PLBD2: variants seen among roughly 807,000 people sequenced by gnomAD.
The protein encoded by PLBD2 is phospholipase B domain containing 2.
PLBD2 carries 51 observed loss-of-function variants against 68.3 expected under a neutral mutation model. The ratio of observed to expected loss-of-function variants is 0.75; its 90% CI spans 0.60 to 0.94. PLBD2 has a LOEUF of 0.94. Ranked by LOEUF, PLBD2 falls within the 40% of genes least tolerant of loss-of-function variation. PLBD2 has a pLI of 0.00. For synonymous variants in PLBD2, 314 were observed against 339.3 expected, an observed-to-expected ratio of 0.93 and a Z score of 0.82; for missense variants, 729 against 792.2, an observed-to-expected ratio of 0.92 and a Z score of 0.96.
In PLBD2 at chr12:113,380,794, C is replaced by T. The variant is rs78496923; in HGVS notation, c.909C>T (p.Pro303=). 3.1e-3 allele frequency: 4,786 copies of T among 1,556,996 alleles called. 128 individuals are homozygous for T. In the African/African-American group the frequency reaches 0.055, roughly 18 times the overall value. Residue 303 remains proline (P), a synonymous_variant, in exon 6 of 12, where the codon CCC becomes CCT. Transcript: ENST00000280800. ...ACAAGCTGGTCTTCTCCTCCTACCCCGGCACCATCTTCTCCTGCGACGACT... is the reference window on the plus strand; with the variant it reads ...ACAAGCTGGTCTTCTCCTCCTACCCTGGCACCATCTTCTCCTGCGACGACT... ...PGNKLVFSSY[P]GTIFSCDDFY...
chr12:113,383,195 C>T (rs148268136), intron 6 of PLBD2, among the ~76,000 whole-genome samples: 2 of 152,156 alleles, frequency 1.3e-5, no homozygotes, highest in East Asian at 1.9e-4. Flanking sequence ...GTTGTAAGGC[C>T]TCCTAGTCCT....
chr12:113,365,925 A>G (rs190164250), intron 1 of PLBD2, among the ~76,000 whole-genome samples: 17 of 152,268 alleles, frequency 1.1e-4, no homozygotes, highest in Admixed American at 9.8e-4. Context: ...ACCCCTTGAC[A>G]CTTTATTCGT....
rs1027548667 is a variant in PLBD2 at position 113,365,514 on chromosome 12, A to G, written c.291-3602A>G. Among the ~76,000 whole-genome samples the G allele has an allele frequency of 9.2e-5, 14 of 152,042 alleles. No individual in the cohort carries two copies. In the Middle Eastern group the frequency reaches 0.01, roughly 111 times the overall value. On this transcript the variant is annotated intron_variant, in intron 1 of 11. Transcript: ENST00000280800. ...GTTTTAGTAGAGACGAGGTTTCACC[A>G]TGTTAGCCAGGCTGGTCTCAAACTC...
In PLBD2 at chr12:113,372,829, G is replaced by C. The variant is rs760187697; in HGVS notation, c.543+22G>C. 1.2e-6 allele frequency: 2 copies of C among 1,604,528 alleles called. No homozygotes were observed. The highest frequency in any genetic ancestry group is 1.7e-6 in the Non-Finnish European group (2 of 1,175,350). ...CCAGGTGAGTCCTGCTGCCACGCTTGGTGGGAGGGGGCTTCCAGCTGGCCA... is the reference window on the plus strand; with the variant it reads ...CCAGGTGAGTCCTGCTGCCACGCTTCGTGGGAGGGGGCTTCCAGCTGGCCA... On this transcript the variant is annotated intron_variant, in intron 3 of 11. Coordinates refer to ENST00000280800, the MANE Select transcript of PLBD2 (RefSeq NM_173542.4). This position sits in a 1 kb window ranked among gnomAD's most constrained non-coding sequence, Gnocchi z 4.2.
chr12:113,387,905 A>G lies in PLBD2; in HGVS notation c.1601A>G (p.Lys534Arg), dbSNP rs758700962. 3.1e-6 allele frequency: 5 copies of G among 1,614,082 alleles called. No homozygotes were observed. Among genetic ancestry groups the G allele is most frequent in the Non-Finnish European group, 4.2e-6 (5 of 1,179,956 alleles). ...CGCTCCCATGGGGGTATCGATGTGAAGGTGCTGCCTCCTCCCTAGGGCCTG... is the reference window on the plus strand; with the variant it reads ...CGCTCCCATGGGGGTATCGATGTGAGGGTGCTGCCTCCTCCCTAGGGCCTG... ...RQRSHGGIDV[K>R]VTSMSLARIL... The change falls in exon 11 of 12, where the codon AAG (lysine) becomes AGG (arginine). Residue 534 changes from lysine to arginine, a missense_variant and splice_region_variant. Transcript: ENST00000280800.
chr12:113,358,900 G>A lies in PLBD2; in HGVS notation c.290+10G>A, dbSNP rs1435397756. On this transcript the variant is annotated intron_variant, in intron 1 of 11. Coordinates refer to ENST00000280800, the MANE Select transcript of PLBD2 (RefSeq NM_173542.4). ...CCATCCGCGAGACTGGGTAAGGGTT[G>A]GCTTATCCCCACGCGGGGCCATCGG... is the stretch of plus-strand genomic sequence containing the variant. 1 of 1,509,404 alleles carries A rather than the reference G, an allele frequency of 6.6e-7. No individual in the cohort carries two copies. The allele number at this position is 1,509,404 out of a possible 1,614,324, so 93.5% of individuals were successfully genotyped here.
In PLBD2 at chr12:113,372,634, C is replaced by T; in HGVS notation, c.385-15C>T. 1 of 1,609,230 alleles carries T rather than the reference C, an allele frequency of 6.2e-7. No individual in the cohort carries two copies. Among genetic ancestry groups the T allele is most frequent in the Non-Finnish European group, 8.5e-7 (1 of 1,176,800 alleles). ...CAGCTGCCCGCCCTTGCCTCGCCCA[C>T]CCCCTACCCCACAGCTCATCTACAT... On this transcript the variant is annotated splice_polypyrimidine_tract_variant and intron_variant, in intron 2 of 11. Transcript: ENST00000280800. This position sits in a 1 kb window ranked among gnomAD's most constrained non-coding sequence, Gnocchi z 4.2.
chr12:113,379,307 CAAAAA>C (rs759130410), intron 5 of PLBD2, among the ~76,000 whole-genome samples: 4 of 46,480 alleles, frequency 8.6e-5, no homozygotes, highest in Non-Finnish European at 1.4e-4. Context: ...GACTCTGTCT[CAAAAA>C]AAAAAAAAAA....
At chr12:113,374,603 T>C (rs1292410802) in intron 4 of PLBD2, 29 bp downstream of exon 4, 6 of 1,553,134 alleles carry the variant, frequency 3.9e-6, no homozygotes, top group Non-Finnish European at 5.3e-6. Context: ...GTGAACAGGG[T>C]GGGAAGAAGG....
chr12:113,361,683 A>G (rs1317743730), intron 1 of PLBD2, among the ~76,000 whole-genome samples: 1 of 151,842 alleles, frequency 6.6e-6, no homozygotes, highest in Non-Finnish European at 1.5e-5. Flanking sequence ...ACTTTGGGCC[A>G]ACACCCCCAC....
chr12:113,368,377 C>T (rs1021640642), intron 1 of PLBD2, among the ~76,000 whole-genome samples: 6 of 152,234 alleles, frequency 3.9e-5, no homozygotes, highest in African/African-American at 1.4e-4. Context: ...AGCTCTACTT[C>T]ATGCTGCAGC....
intron 11 of PLBD2, among the ~76,000 whole-genome samples, chr12:113,388,223 T>A (rs1430198433): frequency 6.6e-6 from 1 of 151,894 alleles, no homozygotes; most frequent in Non-Finnish European, 1.5e-5. Context: ...GCGTCTGTAA[T>A]CCCAGCTACT....
intron 9 of PLBD2, among the ~76,000 whole-genome samples, chr12:113,385,535 C>A (rs1236350850): frequency 6.6e-6 from 1 of 152,194 alleles, no homozygotes; most frequent in Non-Finnish European, 1.5e-5. Context: ...TGGCCCCTGC[C>A]AGGGTCTCTG....
chr12:113,384,712 C>T lies in PLBD2; in HGVS notation c.1119-139C>T, dbSNP rs1374475773. ...TTGTGGATACCTGGTCATGCTGCAG[C>T]GTCAGGGTGTCAGTTGAATGGCTGG... On this transcript the variant is annotated intron_variant, in intron 7 of 11. Transcript: ENST00000280800. The surrounding 1 kb of genome is among the most constrained non-coding windows in gnomAD (Gnocchi z 4.2). 3 of 656,812 alleles carry T rather than the reference C, an allele frequency of 4.6e-6. No homozygotes were observed. Among genetic ancestry groups the T allele is most frequent in the East Asian group, 2.7e-5 (1 of 36,488 alleles). The allele number at this position is 656,812 out of a possible 1,614,324, so 40.7% of individuals were successfully genotyped here.
chr12:113,387,305 T>C (rs947099300), intron 10 of PLBD2, among the ~76,000 whole-genome samples: 2 of 152,048 alleles, frequency 1.3e-5, no homozygotes, highest in African/African-American at 4.8e-5. Context: ...ATGCTAGACA[T>C]CTGTTGAGTG....
intron 1 of PLBD2, among the ~76,000 whole-genome samples, chr12:113,365,671 G>T (rs1042552453): frequency 6.6e-6 from 1 of 152,006 alleles, no homozygotes; most frequent in African/African-American, 2.4e-5. Context: ...AGTTTCTGGG[G>T]CTACTGTAAT....
intron 1 of PLBD2, among the ~76,000 whole-genome samples, chr12:113,362,680 G>A (rs1957305915): frequency 2.0e-5 from 3 of 151,712 alleles, no homozygotes; most frequent in Non-Finnish European, 2.9e-5. Context: ...ACAAAGGAGA[G>A]CAATATTTGT....
At chr12:113,364,794 G>T (rs142166801) in intron 1 of PLBD2, among the ~76,000 whole-genome samples, 8 of 152,200 alleles carry the variant, frequency 5.3e-5, no homozygotes, top group African/African-American at 1.9e-4. Context: ...AATACTTAGT[G>T]AGTGCATAAT....
At chr12:113,363,855 G>A (rs1010312755) in intron 1 of PLBD2, among the ~76,000 whole-genome samples, 1 of 152,144 alleles carries the variant, frequency 6.6e-6, no homozygotes, top group Non-Finnish European at 1.5e-5. Flanking sequence ...CTTTCTTCCA[G>A]AATTTTCTAT....
Sources: allele counts gnomAD v4.1 joint callset (sites outside exome capture counted in the v4.1 genomes callset), GRCh38; gene constraint gnomAD v4.1.1; non-coding constraint Gnocchi (gnomAD v3.1); transcripts MANE v1.5; gene names NCBI Gene and HGNC (gene_info 2026-07-23, HGNC 2026-07-21).